Variants in UNC5C observed in about 807,000 individuals in gnomAD.
The protein encoded by UNC5C is netrin receptor UNC5C.
Under a neutral mutation model 99.8 loss-of-function variants are expected in UNC5C, and 47 were observed. That is an observed-to-expected ratio of 0.47 (90% CI 0.37 to 0.60). The LOEUF is 0.60. Among genes scored for constraint, UNC5C ranks in the 20% least tolerant of loss-of-function variants. UNC5C has a pLI of 0.00. For missense variants in UNC5C, 1,062 were observed against 1,165.9 expected (o/e 0.91, Z 1.30); for synonymous variants, 487 against 452.2 (o/e 1.08, Z -0.98).
At chr4:95,422,342 A>G (rs1008299121) in intron 1 of UNC5C, among the ~76,000 whole-genome samples, 2 of 152,210 alleles carry the variant, frequency 1.3e-5, no homozygotes, top group Non-Finnish European at 2.9e-5. Context: ...AGCAACACTA[A>G]TGGAGCTTAT....
At chr4:95,360,542 A>C (rs1384243057) in intron 1 of UNC5C, among the ~76,000 whole-genome samples, 1 of 152,232 alleles carries the variant, frequency 6.6e-6, no homozygotes, top group Non-Finnish European at 1.5e-5. Context: ...GTGCAATACA[A>C]CTGTAATGTT....
At chr4:95,448,450 G>A (rs770285565) in intron 1 of UNC5C, among the ~76,000 whole-genome samples, 4 of 152,088 alleles carry the variant, frequency 2.6e-5, no homozygotes, top group Non-Finnish European at 5.9e-5. Flanking sequence ...TACCTCTTGG[G>A]ATTATTGTGA....
intron 3 of UNC5C, among the ~76,000 whole-genome samples, chr4:95,298,869 A>G (rs1741768643): frequency 6.6e-6 from 1 of 152,174 alleles, no homozygotes; most frequent in Admixed American, 6.5e-5. Context: ...ATACATATAT[A>G]TGTTGTGAAA....
Position 95,162,691 on chromosome 4 carries a change from A to G in UNC5C, c.*6543T>C, listed in dbSNP as rs113002295. ...GTATCCCTCACCTCCACCACTCAGC[A>G]AGGCGCCGGACAGATATCCGGAGGG... On this transcript the variant is annotated 3_prime_UTR_variant, in exon 16 of 16. Coordinates refer to ENST00000453304, the MANE Select transcript of UNC5C (RefSeq NM_003728.4). 9.2e-5 allele frequency: 14 copies of G among 152,224 alleles called. No homozygotes were observed. The highest frequency in any genetic ancestry group is 2.9e-4 in the African/African-American group (12 of 41,534). 9.4% of individuals were successfully genotyped at this position (152,224 alleles called of 1,614,324 possible). A position where few individuals can be genotyped will look rare whatever the true frequency, so the allele number is the denominator to read the frequency against.
rs370152398 is a variant in UNC5C, at chr4:95,474,707, C to T, written c.124+74027G>A. On this transcript the variant is annotated intron_variant, in intron 1 of 15. Coordinates refer to ENST00000453304, the MANE Select transcript of UNC5C (RefSeq NM_003728.4). ...CAAACAAAGAATAAAATAAACATAA[C>T]GGAGAATAATAAAAACTTAGACATG... 4.6e-5 allele frequency among the ~76,000 whole-genome samples: 7 copies of T among 151,994 alleles called. No homozygotes were observed. In the South Asian group the frequency reaches 8.3e-4, roughly 18 times the overall value.
In UNC5C at chr4:95,170,300, A is replaced by G. The variant is rs1281548837; in HGVS notation, c.2484T>C (p.Asp828=). ...TGACCGTGGTGATGGTGTTCGCAGG[A>G]TCCAGCAGCGGCAAATCGATGCCAG... ...EPTGIDLPLL[D]PANTITTVTG... The change falls in exon 15 of 16, where the codon GAT becomes GAC. Residue 828 remains aspartate, a synonymous_variant. Transcript: ENST00000453304. 6.2e-7 allele frequency: 1 copy of G among 1,614,192 alleles called. No individual in the cohort carries two copies. The highest frequency in any genetic ancestry group is 1.3e-5 in the African/African-American group (1 of 75,046).
intron 4 of UNC5C, among the ~76,000 whole-genome samples, chr4:95,258,555 GGTTCAGT>G (rs1263352013): frequency 4.0e-5 from 6 of 151,884 alleles, no homozygotes; most frequent in Admixed American, 1.3e-4. Flanking sequence ...CTGTCCTTGT[GGTTCAGT>G]AACTATAGTC....
intron 5 of UNC5C, among the ~76,000 whole-genome samples, chr4:95,249,936 G>T (rs1739631868): frequency 6.6e-6 from 1 of 152,102 alleles, no homozygotes; most frequent in South Asian, 2.1e-4. Flanking sequence ...GCTTTCTGAG[G>T]GTTTGCAATG....
At chr4:95,424,095 G>A (rs979695300) in intron 1 of UNC5C, among the ~76,000 whole-genome samples, 9 of 152,008 alleles carry the variant, frequency 5.9e-5, no homozygotes, top group Non-Finnish European at 1.2e-4. Context: ...TTTTAAATGG[G>A]GGAAATTATA....
intron 4 of UNC5C, among the ~76,000 whole-genome samples, chr4:95,263,339 T>C (rs1278704345): frequency 2.6e-5 from 4 of 152,220 alleles, no homozygotes; most frequent in South Asian, 2.1e-4. Flanking sequence ...CAAGGAGATA[T>C]GTATTTTTTA....
At chr4:95,312,156 A>C (rs578059765) in intron 2 of UNC5C, among the ~76,000 whole-genome samples, 6 of 152,202 alleles carry the variant, frequency 3.9e-5, no homozygotes, top group Non-Finnish European at 7.3e-5. Context: ...TGTGGGTGAC[A>C]TTCCAGTATG....
intron 1 of UNC5C, among the ~76,000 whole-genome samples, chr4:95,425,931 G>T (rs1210280148): frequency 6.6e-6 from 1 of 151,838 alleles, no homozygotes; most frequent in Non-Finnish European, 1.5e-5. Flanking sequence ...TAATAATTCA[G>T]ATATTCCTAA....
chr4:95,487,686 A>G (rs550629215), intron 1 of UNC5C, among the ~76,000 whole-genome samples: 1 of 151,828 alleles, frequency 6.6e-6, no homozygotes, highest in East Asian at 2.0e-4. Context: ...ACCACATCCT[A>G]GTTATTATAA....
At chr4:95,468,667 G>T (rs996797388) in intron 1 of UNC5C, among the ~76,000 whole-genome samples, 3 of 152,144 alleles carry the variant, frequency 2.0e-5, no homozygotes, top group Admixed American at 1.3e-4. Context: ...TCTCTATGGA[G>T]GTTCTCTTCC....
intron 1 of UNC5C, among the ~76,000 whole-genome samples, chr4:95,447,523 C>T (rs545260352): frequency 1.9e-3 from 285 of 152,198 alleles, no homozygotes; most frequent in African/African-American, 6.5e-3. Flanking sequence ...TTATTTGAGA[C>T]GAAGTCTCAC....
At chr4:95,449,103 G>A (rs565569975) in intron 1 of UNC5C, among the ~76,000 whole-genome samples, 2 of 152,130 alleles carry the variant, frequency 1.3e-5, no homozygotes, top group Non-Finnish European at 2.9e-5. Context: ...AAAGACACTT[G>A]AAATATTGCT....
At chr4:95,386,789 A>G (rs930816446) in intron 1 of UNC5C, among the ~76,000 whole-genome samples, 4 of 152,166 alleles carry the variant, frequency 2.6e-5, no homozygotes, top group Non-Finnish European at 4.4e-5. Flanking sequence ...CCCCCCAAAA[A>G]AAGCCCGAGT....
chr4:95,514,551 A>C (rs1189243683), intron 1 of UNC5C, among the ~76,000 whole-genome samples: 43 of 151,430 alleles, frequency 2.8e-4, no homozygotes, highest in Non-Finnish European at 2.9e-5. Flanking sequence ...AATTACAATT[A>C]AATTCCTTTC....
chr4:95,335,769 T>C (rs1251202180), intron 1 of UNC5C, 138 bp from the exon 2 acceptor site: 1 of 658,134 alleles, frequency 1.5e-6, no homozygotes, highest in East Asian at 2.7e-5. Context: ...AGGCTGTATG[T>C]TAGATCTATT....
Sources: gnomAD v4.1 joint callset for allele counts (sites outside exome capture counted in the v4.1 genomes callset) on GRCh38, gnomAD v4.1.1 for gene constraint, MANE v1.5 for transcripts, NCBI Gene and HGNC (gene_info 2026-07-23, HGNC 2026-07-21) for gene names.